The following ZNF728 variants were observed in gnomAD, a reference collection of about 807,000 sequenced individuals.
The protein encoded by ZNF728 is zinc finger protein 728.
In ZNF728, 12 loss-of-function variants were observed where a neutral mutation model predicts 12.5. That is an observed-to-expected ratio of 0.96 (90% confidence interval 0.61 to 1.55). The LOEUF is 1.55. Among genes scored for constraint, ZNF728 ranks in the 40% most tolerant of loss-of-function variants. The pLI is 0.00. For missense variants in ZNF728, 692 were observed against 719.2 expected (o/e 0.96, Z 0.43); for synonymous variants, 205 against 240.7 (o/e 0.85, Z 1.37).
At chr19:23,002,320 A>C (rs1181462327) in intron 1 of ZNF728, among the ~76,000 whole-genome samples, 1 of 152,204 alleles carries the variant, frequency 6.6e-6, no homozygotes. Flanking sequence ...GTCTCAAAAA[A>C]ACTAATTCAA....
rs1489628534 is a variant in ZNF728 at position 22,999,613 on chromosome 19, A to G, written c.3+3415T>C. 2.0e-5 allele frequency among the ~76,000 whole-genome samples: 3 copies of G among 152,230 alleles called. No individual in the cohort carries two copies. The East Asian group carries it at 5.8e-4, about 29-fold the overall frequency. On this transcript the variant is annotated intron_variant, in intron 1 of 3. Transcript: ENST00000594710. ...AGAGTCATTCACTTAGTTTTTGAAA[A>G]TAAGTGTTTGAAAAATCCAGCAAAA...
At chr19:22,984,737 TTTTCAAA>T (rs1968897431) in intron 3 of ZNF728, among the ~76,000 whole-genome samples, 1 of 152,080 alleles carries the variant, frequency 6.6e-6, no homozygotes, top group South Asian at 2.1e-4. Context: ...AATGAAATGT[TTTTCAAA>T]TTTCTCATTG....
chr19:22,998,930 G>A (rs1969077852), intron 1 of ZNF728, among the ~76,000 whole-genome samples: 1 of 152,104 alleles, frequency 6.6e-6, no homozygotes, highest in Non-Finnish European at 1.5e-5. Context: ...AAGCAGCTGA[G>A]TTTGTCTTCA....
chr19:22,985,735 T>C (rs1040495145), intron 3 of ZNF728: 6 of 152,326 alleles, frequency 3.9e-5, no homozygotes, highest in African/African-American at 1.4e-4. Flanking sequence ...GTGATACCCA[T>C]TTAGAGCAAT....
intron 1 of ZNF728, 90 bp downstream of exon 1, chr19:23,002,938 A>C (rs937581627): frequency 3.3e-6 from 5 of 1,520,548 alleles, no homozygotes; most frequent in African/African-American, 1.4e-5. Context: ...GAGCTGACTG[A>C]GAGGAGGCCT....
Position 22,975,685 on chromosome 19 carries a change from A to T in ZNF728, c.1652T>A (p.Leu551His). 1 of 1,611,924 alleles carries T rather than the reference A, an allele frequency of 6.2e-7. No individual in the cohort carries two copies. The highest frequency in any genetic ancestry group is 8.5e-7 in the Non-Finnish European group (1 of 1,179,850). The change falls in exon 4 of 4, where the codon CTT becomes CAT. Residue 551 changes from leucine to histidine, a missense_variant. Coordinates refer to ENST00000594710, the MANE Select transcript of ZNF728 (RefSeq NM_001267716.2). ...AGTATGAATTCTCTTATGTTCACTA[A>T]GTCTTGAGGACCAGATGAAGGCTTT... ...CGKAFIWSSR[L>H]SEHKRIHTGE... is the part of the protein sequence containing the mutation.
chr19:23,003,002 C>G, intron 1 of ZNF728, 26 bp downstream of exon 1: 2 of 1,586,148 alleles, frequency 1.3e-6, no homozygotes, highest in Non-Finnish European at 1.7e-6. Flanking sequence ...GCCACTCTCT[C>G]GGGATGTCGG....
chr19:22,987,465 A>G (rs1968930251), intron 2 of ZNF728, 62 bp from the exon 3 acceptor site: 22 of 1,468,394 alleles, frequency 1.5e-5, no homozygotes, highest in Non-Finnish European at 2.0e-5. Context: ...CAACTTAGTA[A>G]TGTGCTCAGT....
intron 1 of ZNF728, chr19:22,994,833 T>G (rs1460833375): frequency 6.6e-6 from 1 of 152,276 alleles, no homozygotes; most frequent in Non-Finnish European, 1.5e-5. Context: ...TACTCCTGTT[T>G]CCCTCTCCTG....
intron 3 of ZNF728, 60 bp from the exon 4 acceptor site, chr19:22,977,170 T>A: frequency 7.1e-7 from 1 of 1,415,966 alleles, no homozygotes; most frequent in East Asian, 2.5e-5. Flanking sequence ...GTTTCCAAAT[T>A]TAACCTATAA....
chr19:22,993,896 CTTTT>C (rs143699754), intron 1 of ZNF728, among the ~76,000 whole-genome samples: 1 of 151,698 alleles, frequency 6.6e-6, no homozygotes, highest in East Asian at 1.9e-4. Flanking sequence ...CAGACAAAAA[CTTTT>C]TTTTTCTTCT....
chr19:22,977,351 T>C (rs1470155021), intron 3 of ZNF728, among the ~76,000 whole-genome samples: 4 of 152,138 alleles, frequency 2.6e-5, no homozygotes, highest in Non-Finnish European at 4.4e-5. Flanking sequence ...AAGAGCCACA[T>C]AGAAAAAAAG....
At position 22,975,617 on chromosome 19, in the gene ZNF728, T is replaced by TA; in HGVS notation, c.1719dup (p.Ser574Ter). On this transcript the variant is annotated frameshift_variant, in exon 4 of 4. Coordinates refer to ENST00000594710, the MANE Select transcript of ZNF728 (RefSeq NM_001267716.2). LOFTEE classifies it low-confidence loss of function (END_TRUNC). ...TGTTTGTTAAGGACTGAGACCCAGC[T>TA]AAAGGCTTTGCCACATTCTTCACAT... 6.2e-7 allele frequency: 1 copy of TA among 1,611,504 alleles called. No homozygotes were observed. The highest frequency in any genetic ancestry group is 8.5e-7 in the Non-Finnish European group (1 of 1,179,720).
intron 3 of ZNF728, among the ~76,000 whole-genome samples, chr19:22,980,669 G>A (rs1361412652): frequency 8.0e-5 from 12 of 150,868 alleles, no homozygotes; most frequent in East Asian, 3.9e-4. Context: ...AATGGAAATC[G>A]TAACAGTCTC....
At position 22,976,490 on chromosome 19, in the gene ZNF728, G is replaced by C; in HGVS notation, c.847C>G (p.Pro283Ala). The change falls in exon 4 of 4, where the codon CCC (proline) becomes GCC (alanine). Residue 283 changes from proline to alanine, a missense_variant. Pro to Ala is a conservative substitution (Grantham distance 27, BLOSUM62 -1). Coordinates refer to ENST00000594710, the MANE Select transcript of ZNF728 (RefSeq NM_001267716.2). ...TTGCCACATTCTTCACATTTGTAGGGTTTCTCTCCAGCATGACTTCTCTTA... is the reference window on the plus strand; with the variant it reads ...TTGCCACATTCTTCACATTTGTAGGCTTTCTCTCCAGCATGACTTCTCTTA... Reference protein sequence around the residue: ...EHKRSHAGEKPYKCEECGKAF... With the variant: ...EHKRSHAGEKAYKCEECGKAF... The C allele has an allele frequency of 6.2e-7, 1 of 1,612,978 alleles. No individual in the cohort carries two copies. The highest frequency in any genetic ancestry group is 8.5e-7 in the Non-Finnish European group (1 of 1,179,944).
At chr19:22,987,744 T>C (rs1468681068) in intron 2 of ZNF728, among the ~76,000 whole-genome samples, 1 of 152,160 alleles carries the variant, frequency 6.6e-6, no homozygotes, top group Non-Finnish European at 1.5e-5. Flanking sequence ...AGATGAAACA[T>C]CTTGAAATTT....
chr19:23,002,781 GC>G (rs1969126123), intron 1 of ZNF728, among the ~76,000 whole-genome samples: 1 of 152,214 alleles, frequency 6.6e-6, no homozygotes, highest in South Asian at 2.1e-4. Context: ...GTGCAGAGCG[GC>G]CCCAAGAGGG....
chr19:22,992,382 A>G (rs192010007), intron 1 of ZNF728, among the ~76,000 whole-genome samples: 1 of 152,164 alleles, frequency 6.6e-6, no homozygotes, highest in African/African-American at 2.4e-5. Context: ...AACCAGGACT[A>G]TAGGCATGAG....
chr19:22,974,932 T>C lies in ZNF728; in HGVS notation c.*536A>G, dbSNP rs576774251. Reference sequence around the variant, plus strand: ...TAGTGTAAATGCTTTCCTTTGCAATTAGGCATGAGCATTGGTTAAATGTTT... The same window carrying C: ...TAGTGTAAATGCTTTCCTTTGCAATCAGGCATGAGCATTGGTTAAATGTTT... On this transcript the variant is annotated 3_prime_UTR_variant, in exon 4 of 4. Coordinates refer to ENST00000594710, the MANE Select transcript of ZNF728 (RefSeq NM_001267716.2). 6.6e-6 allele frequency among the ~76,000 whole-genome samples: 1 copy of C among 152,342 alleles called. No individual in the cohort carries two copies. Among genetic ancestry groups the C allele is most frequent in the African/African-American group, 2.4e-5 (1 of 41,580 alleles).
Sources: gnomAD v4.1 joint callset for allele counts (sites outside exome capture counted in the v4.1 genomes callset) on GRCh38, gnomAD v4.1.1 for gene constraint, MANE v1.5 for transcripts, NCBI Gene and HGNC (gene_info 2026-07-23, HGNC 2026-07-21) for gene names.